Variants in NEK5 observed in about 807,000 individuals in gnomAD.
NEK5 encodes the protein serine/threonine-protein kinase Nek5.
NEK5 carries 88 observed loss-of-function variants against 109.2 expected under a neutral mutation model. The observed-to-expected ratio is 0.81, with a 90% CI of 0.68 to 0.96. The LOEUF is 0.96. NEK5 is among the 40% of genes least tolerant of loss of function. The probability of loss-of-function intolerance (pLI) is 0.00; values close to 1 mark genes in which losing one functional copy is unlikely to be tolerated. For synonymous variants in NEK5, 283 were observed against 299.9 expected, an observed-to-expected ratio of 0.94 and a Z score of 0.58; for missense variants, 834 against 920.7, an observed-to-expected ratio of 0.91 and a Z score of 1.22.
intron 4 of NEK5, among the ~76,000 whole-genome samples, chr13:52,115,684 T>A (rs1566822871): frequency 6.6e-6 from 1 of 151,322 alleles, no homozygotes; most frequent in African/African-American, 2.4e-5. Context: ...TTTTCCCCCA[T>A]TAGCCACTGT....
chr13:52,064,995 A>T (rs9535849), intron 21 of NEK5: 112,306 of 256,054 alleles, frequency 0.44, 27,343 homozygotes, highest in Non-Finnish European at 0.53. Context: ...GGAAGGCCAC[A>T]GGGTCCTCTG....
rs1416852946 is a variant in NEK5 at position 52,036,578 on chromosome 13, C to T, written c.*370G>A. On this transcript the variant is annotated 3_prime_UTR_variant, in exon 24 of 24. Coordinates refer to ENST00000684899, the MANE Select transcript of NEK5 (RefSeq NM_001365552.1). ...CCATCTCCTGGGTTCAGGTGATTCT[C>T]CTGCCTCAGCCTCCCAAGTAACTGG... is the stretch of plus-strand genomic sequence containing the variant. 2 of 152,006 alleles carry T rather than the reference C, an allele frequency of 1.3e-5. No individual in the cohort carries two copies. Among genetic ancestry groups the T allele is most frequent in the East Asian group, 1.9e-4 (1 of 5,182 alleles). The allele number at this position is 152,006 out of a possible 1,614,324, so 9.4% of individuals were successfully genotyped here.
rs60216367 is a variant in NEK5 at position 52,041,728 on chromosome 13, C to CAAAAA, written c.2229-4515_2229-4511dup. 3.2e-3 allele frequency among the ~76,000 whole-genome samples: 152 copies of CAAAAA among 47,992 alleles called. 5 individuals are homozygous for CAAAAA. Among genetic ancestry groups the CAAAAA allele is most frequent in the East Asian group, 4.2e-3 (6 of 1,426 alleles). The allele number at this position is 47,992 out of a possible 152,430, so 31.5% of individuals were successfully genotyped here. On this transcript the variant is annotated intron_variant, in intron 23 of 23. Transcript: ENST00000684899. The stretch of plus-strand genomic sequence containing the variant: ...GGGCAACAAGAGCGAAACTCTGTCT[C>CAAAAA]AAAAAAAAAAAAAAAAAAAAAAAAA...
chr13:52,097,173 A>G (rs1955433952), intron 12 of NEK5, among the ~76,000 whole-genome samples: 1 of 152,202 alleles, frequency 6.6e-6, no homozygotes, highest in African/African-American at 2.4e-5. Context: ...TCCAGGCAGA[A>G]GCCTGTTTCA....
intron 17 of NEK5, among the ~76,000 whole-genome samples, chr13:52,080,273 G>A (rs1954973380): frequency 1.4e-5 from 2 of 142,860 alleles, no homozygotes; most frequent in South Asian, 2.3e-4. Context: ...GGTGGGGGGG[G>A]GTCAGCCCCC....
At position 52,033,698 on chromosome 13, in the gene NEK5, G is replaced by GATTTT. The variant is rs1410479255; in HGVS notation, c.*3245_*3249dup. ...CACTTGATTTAAATAATTCTTGAGG[G>GATTTT]ATTTTATAAGGTCATCTTATAGACA... is the stretch of plus-strand genomic sequence containing the variant. On this transcript the variant is annotated 3_prime_UTR_variant, in exon 24 of 24. Transcript: ENST00000684899. 6.4e-6 allele frequency: 1 copy of GATTTT among 155,208 alleles called. No homozygotes were observed. The highest frequency in any genetic ancestry group is 6.5e-5 in the Admixed American group (1 of 15,280). 9.6% of individuals were successfully genotyped at this position (155,208 alleles called of 1,614,324 possible).
chr13:52,059,461 C>T (rs1231217272), intron 22 of NEK5, among the ~76,000 whole-genome samples: 2 of 129,396 alleles, frequency 1.5e-5, no homozygotes, highest in Non-Finnish European at 3.2e-5. Flanking sequence ...TGGGTATATA[C>T]CCAAAGGACT....
chr13:52,075,812 A>G lies in NEK5; in HGVS notation c.1668T>C (p.Phe556=). 1.9e-6 allele frequency: 3 copies of G among 1,568,488 alleles called. No homozygotes were observed. The highest frequency in any genetic ancestry group is 2.4e-5 in the South Asian group (2 of 83,542). Residue 556 remains phenylalanine (F), a synonymous_variant, in exon 19 of 24, where the codon TTT becomes TTC. Transcript: ENST00000684899. ...QKYKAKKGVK[F]EINLDKCISD... is the part of the protein sequence containing the mutation. ...AAATACATTTGTCTAAATTAATTTCAAATTTTACCCCCTTCTAGGAGAAAG... is the reference window on the plus strand; with the variant it reads ...AAATACATTTGTCTAAATTAATTTCGAATTTTACCCCCTTCTAGGAGAAAG...
At chr13:52,121,149 C>A (rs1454799006) in intron 3 of NEK5, among the ~76,000 whole-genome samples, 1 of 144,908 alleles carries the variant, frequency 6.9e-6, no homozygotes, top group Non-Finnish European at 1.5e-5. Context: ...CTGTATCCTG[C>A]TGAAGAAATC....
intron 23 of NEK5, among the ~76,000 whole-genome samples, chr13:52,037,917 C>T (rs1029366010): frequency 6.0e-4 from 74 of 122,796 alleles, no homozygotes; most frequent in Admixed American, 1.2e-3. Context: ...AGCGAGACTC[C>T]GTCTCAAAAA....
intron 22 of NEK5, among the ~76,000 whole-genome samples, chr13:52,054,677 C>G (rs940224173): frequency 6.6e-6 from 1 of 151,202 alleles, no homozygotes; most frequent in South Asian, 2.1e-4. Context: ...AGGCACCCCC[C>G]AGCAGGGGCA....
Position 52,110,675 on chromosome 13 carries a change from C to T in NEK5, c.313-98G>A, listed in dbSNP as rs41292804. The T allele has an allele frequency of 4.3e-3, 2,955 of 679,538 alleles. 83 individuals are homozygous for T. In the Admixed American group the frequency reaches 0.05, roughly 11 times the overall value. 42.1% of individuals were successfully genotyped at this position (679,538 alleles called of 1,614,324 possible). On this transcript the variant is annotated intron_variant, in intron 5 of 23. Coordinates refer to ENST00000684899, the MANE Select transcript of NEK5 (RefSeq NM_001365552.1). ...AAAAGATAGAAATTATACACACACA[C>T]ACACACACATACACACATATAGTGT...
At position 52,119,380 on chromosome 13, in the gene NEK5, TTC is replaced by T. The variant is rs1268714218; in HGVS notation, c.151_152del (p.Glu51SerfsTer33). Reference protein sequence around the residue: ...PIQEKEASKKEVILLEKMKHP... With the variant: ...PIQEKEASKKXVILLEKMKHP... ...GTTTCATCTTTTCCAGAAGAATCAC[TTC>T]TTTCTTTGAAGCTTCTTTTTCTTGT... On this transcript the variant is annotated frameshift_variant, in exon 4 of 24. Coordinates refer to ENST00000684899, the MANE Select transcript of NEK5 (RefSeq NM_001365552.1). LOFTEE classifies it high-confidence loss of function. 6.2e-7 allele frequency: 1 copy of T among 1,601,350 alleles called. No individual in the cohort carries two copies. Among genetic ancestry groups the T allele is most frequent in the Non-Finnish European group, 8.5e-7 (1 of 1,170,750 alleles).
chr13:52,079,582 G>A (rs1015226803), intron 17 of NEK5, among the ~76,000 whole-genome samples: 4 of 152,290 alleles, frequency 2.6e-5, no homozygotes, highest in African/African-American at 7.2e-5. Flanking sequence ...GATTGCAGAC[G>A]GAGTCTGGTT....
intron 6 of NEK5, 41 bp from the exon 7 acceptor site, chr13:52,110,451 A>G: frequency 6.2e-7 from 1 of 1,600,018 alleles, no homozygotes; most frequent in Non-Finnish European, 8.6e-7. Flanking sequence ...AGGTACTTCA[A>G]GAAAAGATCA....
At chr13:52,064,578 G>A (rs1324352156) in intron 21 of NEK5, among the ~76,000 whole-genome samples, 1 of 152,102 alleles carries the variant, frequency 6.6e-6, no homozygotes, top group African/African-American at 2.4e-5. Flanking sequence ...CTACTGGGAT[G>A]TGAGGAGCCC....
chr13:52,104,021 G>A (rs1222699788), intron 9 of NEK5, among the ~76,000 whole-genome samples: 7 of 152,038 alleles, frequency 4.6e-5, no homozygotes, highest in South Asian at 2.1e-4. Flanking sequence ...GTGCAGTGGC[G>A]CAATCTCAGC....
chr13:52,122,045 G>C (rs1463033308), intron 3 of NEK5, among the ~76,000 whole-genome samples: 1 of 151,986 alleles, frequency 6.6e-6, no homozygotes, highest in Non-Finnish European at 1.5e-5. Flanking sequence ...GGGACTACAG[G>C]CACTTGCCAC....
chr13:52,064,582 G>A (rs1325056003), intron 21 of NEK5, among the ~76,000 whole-genome samples: 2 of 152,110 alleles, frequency 1.3e-5, no homozygotes, highest in African/African-American at 4.8e-5. Context: ...TGGGATGTGA[G>A]GAGCCCCTCT....
Sources: gnomAD v4.1 joint callset for allele counts (sites outside exome capture counted in the v4.1 genomes callset) on GRCh38, gnomAD v4.1.1 for gene constraint, MANE v1.5 for transcripts, NCBI Gene and HGNC (gene_info 2026-07-23, HGNC 2026-07-21) for gene names.